SLIT3: variants seen among roughly 807,000 people sequenced by gnomAD.
SLIT3 encodes slit homolog 3 protein.
SLIT3 carries 68 observed loss-of-function variants against 184.0 expected under a neutral mutation model. The ratio of observed to expected loss-of-function variants is 0.37; its 90% CI spans 0.30 to 0.45. SLIT3 has a LOEUF of 0.45. Ranked by LOEUF, SLIT3 falls within the 20% of genes least tolerant of loss-of-function variation. SLIT3 has a pLI of 1.00. For synonymous variants in SLIT3, 831 were observed against 828.6 expected (o/e 1.00, Z -0.05); for missense variants, 1,707 against 2,026.0 (o/e 0.84, Z 3.02).
chr5:168,834,498 G>A (rs1300897803), intron 6 of SLIT3, among the ~76,000 whole-genome samples: 2 of 151,274 alleles, frequency 1.3e-5, no homozygotes, highest in African/African-American at 2.4e-5. Context: ...TTGAGACCGG[G>A]GGGTCCAACA....
In SLIT3 at chr5:169,044,642, AT is replaced by A. The variant is rs574903936; in HGVS notation, c.413+148836del. Among the ~76,000 whole-genome samples, 5 of 152,046 alleles carry A rather than the reference AT, an allele frequency of 3.3e-5. No individual in the cohort carries two copies. In the East Asian group the frequency reaches 9.6e-4, roughly 29 times the overall value. ...GGGTACCAGATTTCTCTTTGGGGTG[AT>A]GGGATGCTCTGGAATTAGACAGTGG... On this transcript the variant is annotated intron_variant, in intron 4 of 35. Transcript: ENST00000519560.
chr5:168,800,686 T>C (rs887877561), intron 9 of SLIT3, among the ~76,000 whole-genome samples: 1 of 152,242 alleles, frequency 6.6e-6, no homozygotes. Context: ...TAGGCATATC[T>C]GAGAAAAGCC....
chr5:169,155,310 C>T (rs560962684), intron 4 of SLIT3, among the ~76,000 whole-genome samples: 5 of 152,278 alleles, frequency 3.3e-5, no homozygotes, highest in East Asian at 1.9e-4. Flanking sequence ...TTCCAACCAC[C>T]GTCAACACCT....
chr5:169,270,360 G>A (rs1470935390), intron 1 of SLIT3, among the ~76,000 whole-genome samples: 3 of 152,066 alleles, frequency 2.0e-5, no homozygotes, highest in Admixed American at 6.5e-5. Flanking sequence ...GCCCGATCCG[G>A]CCCACTGCCT....
intron 35 of SLIT3, among the ~76,000 whole-genome samples, chr5:168,669,311 G>A (rs1267848674): frequency 6.6e-6 from 1 of 152,190 alleles, no homozygotes; most frequent in Non-Finnish European, 1.5e-5. Context: ...AGCTGCCCTG[G>A]CGCAAGGACC....
rs200513419 is a variant in SLIT3, at chr5:169,139,477, G to A, written c.413+54002C>T. Among the ~76,000 whole-genome samples, 48 of 152,226 alleles carry A rather than the reference G, an allele frequency of 3.2e-4. 1 individual carries two copies. The East Asian group carries it at 7.7e-3, about 25-fold the overall frequency. On this transcript the variant is annotated intron_variant, in intron 4 of 35. Coordinates refer to ENST00000519560, the MANE Select transcript of SLIT3 (RefSeq NM_003062.4). ...ACCTCTGAAATATCAAGAGGTCAGG[G>A]AGCATGCCTGGGTTACACAGCTAGC...
intron 4 of SLIT3, among the ~76,000 whole-genome samples, chr5:168,910,462 C>A (rs952214138): frequency 6.6e-6 from 1 of 152,086 alleles, no homozygotes; most frequent in African/African-American, 2.4e-5. Flanking sequence ...TCACAATTGC[C>A]GCCGGGCGTG....
At chr5:168,971,856 C>T (rs1300542744) in intron 4 of SLIT3, among the ~76,000 whole-genome samples, 1 of 152,330 alleles carries the variant, frequency 6.6e-6, no homozygotes, top group South Asian at 2.1e-4. Context: ...CTGGAGCTAC[C>T]ACCTTTTAGG....
intron 7 of SLIT3, among the ~76,000 whole-genome samples, chr5:168,820,489 G>C (rs1487044344): frequency 3.3e-5 from 5 of 152,166 alleles, no homozygotes; most frequent in African/African-American, 1.2e-4. Context: ...AATGATTCAT[G>C]GGAAGTGCTT....
At chr5:168,765,306 G>C (rs1329611991) in intron 14 of SLIT3, among the ~76,000 whole-genome samples, 8 of 152,184 alleles carry the variant, frequency 5.3e-5, no homozygotes, top group Admixed American at 5.2e-4. Context: ...TGGAGCCGCT[G>C]ACCCATTTTA....
chr5:169,232,350 A>C (rs1387189389), intron 3 of SLIT3, among the ~76,000 whole-genome samples: 2 of 151,812 alleles, frequency 1.3e-5, no homozygotes, highest in East Asian at 3.9e-4. Context: ...TCAGCCTCCC[A>C]AGTAGCTGGG....
chr5:169,051,693 G>C (rs2113062427), intron 4 of SLIT3, among the ~76,000 whole-genome samples: 2 of 152,286 alleles, frequency 1.3e-5, no homozygotes, highest in Admixed American at 1.3e-4. Flanking sequence ...TCATCCTGTG[G>C]GAAAGTGGAA....
chr5:168,694,917 C>T (rs1342799827), intron 28 of SLIT3, among the ~76,000 whole-genome samples: 1 of 152,226 alleles, frequency 6.6e-6, no homozygotes, highest in Non-Finnish European at 1.5e-5. Flanking sequence ...CTGCATCCGC[C>T]CCCACAGCAG....
intron 26 of SLIT3, 43 bp downstream of exon 26, chr5:168,707,933 G>C (rs753278894): frequency 4.9e-5 from 79 of 1,612,158 alleles, no homozygotes; most frequent in Non-Finnish European, 6.2e-5. Flanking sequence ...GCTGAAGGAG[G>C]AGCCTGAGGC....
intron 4 of SLIT3, among the ~76,000 whole-genome samples, chr5:169,125,536 AG>A (rs1221886566): frequency 1.3e-4 from 20 of 152,170 alleles, no homozygotes; most frequent in Non-Finnish European, 2.6e-4. Context: ...CTCACAGTGA[AG>A]GTTTACCCTG....
intron 4 of SLIT3, among the ~76,000 whole-genome samples, chr5:169,182,500 T>A (rs17556404): frequency 2.6e-5 from 4 of 152,242 alleles, no homozygotes; most frequent in African/African-American, 9.6e-5. Flanking sequence ...AAGTTACAGA[T>A]GTTTTTGGTG....
intron 4 of SLIT3, among the ~76,000 whole-genome samples, chr5:168,975,637 A>G (rs933210918): frequency 1.3e-5 from 2 of 152,186 alleles, no homozygotes; most frequent in African/African-American, 4.8e-5. Flanking sequence ...TTAAAAATAA[A>G]TTTTAAGCAT....
chr5:169,054,537 C>T (rs185835459), intron 4 of SLIT3, among the ~76,000 whole-genome samples: 32 of 152,188 alleles, frequency 2.1e-4, no homozygotes, highest in African/African-American at 6.0e-4. Flanking sequence ...TTTTCTCCTC[C>T]GATACATCCT....
At chr5:168,762,045 A>G (rs1045208200) in intron 15 of SLIT3, among the ~76,000 whole-genome samples, 3 of 149,982 alleles carry the variant, frequency 2.0e-5, no homozygotes, top group Admixed American at 6.7e-5. Context: ...TGCTGGGATT[A>G]CAGGCATGAC....
Sources: gnomAD v4.1 joint callset for allele counts (sites outside exome capture counted in the v4.1 genomes callset) on GRCh38, gnomAD v4.1.1 for gene constraint, MANE v1.5 for transcripts, NCBI Gene and HGNC (gene_info 2026-07-23, HGNC 2026-07-21) for gene names.